Variants in SLC9A8 observed in about 807,000 individuals in gnomAD.
The protein encoded by SLC9A8 is solute carrier family 9 member A8, also known as sodium/hydrogen exchanger 8.
Under a neutral mutation model 66.6 loss-of-function variants are expected in SLC9A8, and 48 were observed. The ratio of observed to expected loss-of-function variants is 0.72; its 90% CI spans 0.57 to 0.92. The LOEUF (loss-of-function observed/expected upper bound fraction) is 0.92, where lower values mean the gene tolerates loss of function less well. Among genes scored for constraint, SLC9A8 ranks in the 40% least tolerant of loss-of-function variants. SLC9A8 has a pLI of 0.00. For missense variants in SLC9A8, 599 were observed against 747.3 expected (o/e 0.80, Z 2.31); for synonymous variants, 274 against 282.6 (o/e 0.97, Z 0.31).
At position 49,889,404 on chromosome 20, in the gene SLC9A8, A is replaced by AC. The variant is rs2089993201; in HGVS notation, c.*1471dup. The AC allele has an allele frequency of 1.3e-5, 2 of 152,286 alleles. No individual in the cohort carries two copies. The highest frequency in any genetic ancestry group is 4.1e-4 in the South Asian group (2 of 4,832). The allele number at this position is 152,286 out of a possible 1,614,324, so 9.4% of individuals were successfully genotyped here. ...AGTGGGCCCACATGGGCCAGCATGG[A>AC]CCCTGGGCTAGAGCAAGCACATCTC... On this transcript the variant is annotated 3_prime_UTR_variant, in exon 16 of 16. Transcript: ENST00000361573.
intron 2 of SLC9A8, among the ~76,000 whole-genome samples, chr20:49,817,601 T>C (rs766840382): frequency 3.3e-5 from 5 of 152,152 alleles, no homozygotes; most frequent in Non-Finnish European, 5.9e-5. Context: ...GAGACCAGCC[T>C]GGGCAACATA....
intron 2 of SLC9A8, among the ~76,000 whole-genome samples, chr20:49,820,910 T>C (rs1416448001): frequency 6.6e-6 from 1 of 152,180 alleles, no homozygotes; most frequent in Non-Finnish European, 1.5e-5. Context: ...GATTTTAGTT[T>C]CCCTTGTGAC....
At chr20:49,815,223 C>T in intron 2 of SLC9A8, 34 bp downstream of exon 2, 1 of 1,469,328 alleles carries the variant, frequency 6.8e-7, no homozygotes, top group East Asian at 2.5e-5. Flanking sequence ...CATCATCTGC[C>T]ATCCCGTGTC....
chr20:49,874,347 T>C (rs758743437), intron 10 of SLC9A8, among the ~76,000 whole-genome samples: 5 of 152,102 alleles, frequency 3.3e-5, no homozygotes, highest in Non-Finnish European at 1.5e-5. Flanking sequence ...TGGATGTCAG[T>C]GATGGTCCAC....
rs568895211 is a variant in SLC9A8, at chr20:49,817,272, G to A, written c.208+2083G>A. On this transcript the variant is annotated intron_variant, in intron 2 of 15. Transcript: ENST00000361573. Reference sequence around the variant, plus strand: ...GCAGAGGTTGCAGTAAGCCGAGATCGCGCCACTGCACTCCAGCCTGAGTGA... The same window carrying A: ...GCAGAGGTTGCAGTAAGCCGAGATCACGCCACTGCACTCCAGCCTGAGTGA... 4.6e-5 allele frequency among the ~76,000 whole-genome samples: 7 copies of A among 151,820 alleles called. No homozygotes were observed. The South Asian group carries it at 8.3e-4, about 18-fold the overall frequency.
intron 11 of SLC9A8, 46 bp from the exon 12 acceptor site, chr20:49,877,935 A>G: frequency 7.5e-7 from 1 of 1,334,670 alleles, no homozygotes; most frequent in Non-Finnish European, 1.0e-6. Flanking sequence ...ACCATATTGG[A>G]ATGAAATCAT....
intron 12 of SLC9A8, among the ~76,000 whole-genome samples, chr20:49,880,667 G>C (rs752544586): frequency 1.3e-5 from 2 of 152,114 alleles, no homozygotes; most frequent in African/African-American, 4.8e-5. Context: ...TACCTCGTCC[G>C]TCCTCTCTTT....
At position 49,884,328 on chromosome 20, in the gene SLC9A8, ACACACACACC is replaced by A. The variant is rs761033221; in HGVS notation, c.1491+264_1491+273del. 8.8e-4 allele frequency among the ~76,000 whole-genome samples: 126 copies of A among 142,472 alleles called. 6 individuals are homozygous for A. Among genetic ancestry groups the A allele is most frequent in the African/African-American group, 2.8e-3 (106 of 37,452 alleles). 93.5% of individuals were successfully genotyped at this position (142,472 alleles called of 152,430 possible). ...CACACACACACACACACACACACAC[ACACACACACC>A]CCCCGGTCATCCCCCCTGAGAAGGA... On this transcript the variant is annotated intron_variant, in intron 14 of 15. Transcript: ENST00000361573.
At position 49,849,471 on chromosome 20, in the gene SLC9A8, C is replaced by A. The variant is rs181160697; in HGVS notation, c.433-108C>A. The stretch of plus-strand genomic sequence containing the variant: ...TGCCACACAGGTTGGGCAGTGGTGC[C>A]TTTTACAGAGAATCAAGTCTGCACG... On this transcript the variant is annotated intron_variant, in intron 5 of 15. Coordinates refer to ENST00000361573, the MANE Select transcript of SLC9A8 (RefSeq NM_015266.3). The A allele has an allele frequency of 9.5e-5, 80 of 841,362 alleles. 2 individuals carry two copies. In the East Asian group the frequency reaches 2.0e-3, roughly 21 times the overall value. The allele number at this position is 841,362 out of a possible 1,614,324, so 52.1% of individuals were successfully genotyped here. A position where few individuals can be genotyped will look rare whatever the true frequency, so the allele number is the denominator to read the frequency against.
intron 8 of SLC9A8, among the ~76,000 whole-genome samples, chr20:49,859,054 C>T (rs887482677): frequency 5.3e-5 from 8 of 152,096 alleles, no homozygotes; most frequent in Admixed American, 1.3e-4. Flanking sequence ...CCAGTCTCCT[C>T]GTCCACCAGC....
At position 49,830,204 on chromosome 20, in the gene SLC9A8, C is replaced by T. The variant is rs974656611; in HGVS notation, c.289+7063C>T. The T allele has an allele frequency of 2.3e-5, 19 of 809,914 alleles. No homozygotes were observed. In the East Asian group the frequency reaches 2.7e-4, roughly 11 times the overall value. The allele number at this position is 809,914 out of a possible 1,614,324, so 50.2% of individuals were successfully genotyped here. A position where few individuals can be genotyped will look rare whatever the true frequency, so the allele number is the denominator to read the frequency against. On this transcript the variant is annotated intron_variant, in intron 3 of 15. Coordinates refer to ENST00000361573, the MANE Select transcript of SLC9A8 (RefSeq NM_015266.3). ...CCATCCGGGCAGCTGACAGCACGGCCGTGAATGGCAGCATCACAGACAAAA... is the reference window on the plus strand; with the variant it reads ...CCATCCGGGCAGCTGACAGCACGGCTGTGAATGGCAGCATCACAGACAAAA...
chr20:49,855,064 C>T (rs1600731288), intron 7 of SLC9A8, among the ~76,000 whole-genome samples: 1 of 152,114 alleles, frequency 6.6e-6, no homozygotes, highest in Non-Finnish European at 1.5e-5. Flanking sequence ...GGGCTGGTGG[C>T]GAGGGGCAGA....
intron 3 of SLC9A8, 85 bp from the exon 4 acceptor site, chr20:49,839,456 C>T (rs1381508643): frequency 4.5e-6 from 4 of 880,334 alleles, no homozygotes; most frequent in Non-Finnish European, 7.2e-6. Flanking sequence ...GTCGTCAGGA[C>T]CTCCTGAGGC....
chr20:49,877,914 A>G, intron 11 of SLC9A8, 67 bp from the exon 12 acceptor site: 1 of 1,072,868 alleles, frequency 9.3e-7, no homozygotes, highest in Non-Finnish European at 1.4e-6. Context: ...TTGCTTGCTT[A>G]ATAGTTTAGT....
chr20:49,887,983 G>A lies in SLC9A8; in HGVS notation c.*47G>A. 6.9e-7 allele frequency: 1 copy of A among 1,443,576 alleles called. No individual in the cohort carries two copies. The highest frequency in any genetic ancestry group is 9.7e-7 in the Non-Finnish European group (1 of 1,026,334). The allele number at this position is 1,443,576 out of a possible 1,614,324, so 89.4% of individuals were successfully genotyped here. On this transcript the variant is annotated 3_prime_UTR_variant, in exon 16 of 16. Coordinates refer to ENST00000361573, the MANE Select transcript of SLC9A8 (RefSeq NM_015266.3). Reference sequence around the variant, plus strand: ...GCAGGCAGGCCCAGGATGGGCGTTTGCTGCGCACAGACACTCAGCAGGGGC... The same window carrying A: ...GCAGGCAGGCCCAGGATGGGCGTTTACTGCGCACAGACACTCAGCAGGGGC...
intron 3 of SLC9A8, among the ~76,000 whole-genome samples, chr20:49,824,813 G>A (rs562156287): frequency 1.3e-5 from 2 of 152,274 alleles, no homozygotes; most frequent in African/African-American, 2.4e-5. Context: ...ATTGGTCTTT[G>A]CCATCATGTT....
At chr20:49,832,348 C>T (rs939900761) in intron 3 of SLC9A8, among the ~76,000 whole-genome samples, 1 of 152,124 alleles carries the variant, frequency 6.6e-6, no homozygotes, top group Non-Finnish European at 1.5e-5. Flanking sequence ...AAGAACTGGC[C>T]TGACCTACCT....
intron 4 of SLC9A8, among the ~76,000 whole-genome samples, chr20:49,844,588 A>G (rs1223510866): frequency 2.8e-5 from 4 of 145,306 alleles, no homozygotes; most frequent in Non-Finnish European, 6.0e-5. Context: ...GTTTGAGACC[A>G]GCCTGGGCAA....
At chr20:49,829,630 A>T in intron 3 of SLC9A8, 1 of 444,178 alleles carries the variant, frequency 2.3e-6, no homozygotes, top group Non-Finnish European at 4.4e-6. Flanking sequence ...TATCATGCTC[A>T]TAAAGAGGAA....
Sources: gnomAD v4.1 joint callset for allele counts (sites outside exome capture counted in the v4.1 genomes callset) on GRCh38, gnomAD v4.1.1 for gene constraint, MANE v1.5 for transcripts, NCBI Gene and HGNC (gene_info 2026-07-23, HGNC 2026-07-21) for gene names.